Variants in OR5AN1 observed in about 807,000 individuals in gnomAD.
OR5AN1 encodes olfactory receptor 5AN1.
For missense variants in OR5AN1, 476 were observed against 368.9 expected (o/e 1.29, Z -2.38); for synonymous variants, 167 against 131.8 (o/e 1.27, Z -1.83).
Position 59,366,587 on chromosome 11 carries a change from C to G in OR5AN1, c.*1193C>G, listed in dbSNP as rs1857536841. Reference sequence around the variant, plus strand: ...TGCCTGGCGTAAAATTCAGGCTCTGCCACCCCCAAGGTGTGTGATGCTGGG... The same window carrying G: ...TGCCTGGCGTAAAATTCAGGCTCTGGCACCCCCAAGGTGTGTGATGCTGGG... On this transcript the variant is annotated 3_prime_UTR_variant, in exon 2 of 2. Transcript: ENST00000641998. 6.6e-6 allele frequency: 1 copy of G among 151,706 alleles called. No homozygotes were observed. Among genetic ancestry groups the G allele is most frequent in the South Asian group, 2.1e-4 (1 of 4,746 alleles). The allele number at this position is 151,706 out of a possible 1,614,324, so 9.4% of individuals were successfully genotyped here.
At chr11:59,362,908 G>A (rs1490196745) in intron 1 of OR5AN1, among the ~76,000 whole-genome samples, 1 of 152,082 alleles carries the variant, frequency 6.6e-6, no homozygotes, top group Non-Finnish European at 1.5e-5. Context: ...TTTGATGCTG[G>A]TTTTCCACTG....
At chr11:59,362,795 C>T (rs932998403) in intron 1 of OR5AN1, among the ~76,000 whole-genome samples, 3 of 152,180 alleles carry the variant, frequency 2.0e-5, no homozygotes, top group Admixed American at 2.0e-4. Context: ...TAAGCTCTGA[C>T]TTGCTGATTG....
chr11:59,359,160 C>T lies in OR5AN1; in HGVS notation c.-126C>T, dbSNP rs1396165579. ...ATGGTCCTCAGTCTCTCTCATTCTT[C>T]AACTCTTCCCACTTCCTCACTTCCA... On this transcript the variant is annotated 5_prime_UTR_variant, in exon 1 of 2. The change creates a premature stop within an existing upstream ORF in the 5' untranslated region. Coordinates refer to ENST00000641998, the MANE Select transcript of OR5AN1 (RefSeq NM_001004729.2). 1 of 152,224 alleles carries T rather than the reference C, an allele frequency of 6.6e-6. No homozygotes were observed. Among genetic ancestry groups the T allele is most frequent in the African/African-American group, 2.4e-5 (1 of 41,458 alleles). The allele number at this position is 152,224 out of a possible 1,614,324, so 9.4% of individuals were successfully genotyped here. A position where few individuals can be genotyped will look rare whatever the true frequency, so the allele number is the denominator to read the frequency against.
Position 59,358,934 on chromosome 11 carries a change from A to G in OR5AN1, c.-352A>G, listed in dbSNP as rs1158126610. 2 of 152,210 alleles carry G rather than the reference A, an allele frequency of 1.3e-5. No individual in the cohort carries two copies. Among genetic ancestry groups the G allele is most frequent in the African/African-American group, 4.8e-5 (2 of 41,452 alleles). 9.4% of individuals were successfully genotyped at this position (152,210 alleles called of 1,614,324 possible). Reference sequence around the variant, plus strand: ...GAGTGGACAGCCAATTTTGTGGTCAAACATGCCCATCTTGGAGTGTGATAC... The same window carrying G: ...GAGTGGACAGCCAATTTTGTGGTCAGACATGCCCATCTTGGAGTGTGATAC... On this transcript the variant is annotated 5_prime_UTR_variant, in exon 1 of 2. Coordinates refer to ENST00000641998, the MANE Select transcript of OR5AN1 (RefSeq NM_001004729.2).
In OR5AN1 at chr11:59,364,927, TC is replaced by T; in HGVS notation, c.470del (p.Ser157PhefsTer30). 6.2e-7 allele frequency: 1 copy of T among 1,614,150 alleles called. No individual in the cohort carries two copies. The highest frequency in any genetic ancestry group is 8.5e-7 in the Non-Finnish European group (1 of 1,180,000). On this transcript the variant is annotated frameshift_variant, in exon 2 of 2. Coordinates refer to ENST00000641998, the MANE Select transcript of OR5AN1 (RefSeq NM_001004729.2). LOFTEE classifies it low-confidence loss of function (END_TRUNC). ...LGAYMTGLTA[S>X]LFQIGALLQL... ...AGCCTACATGACTGGCCTCACTGCT[TC>T]TTTATTCCAAATTGGTGCTTTGCTT...
rs756025797 is a variant in OR5AN1 at position 59,365,132 on chromosome 11, C to T, written c.674C>T (p.Ser225Phe). ...ATATCCTATGGCTATATTGGCATCT[C>T]CATCATGAAGATCACTTCAGCTAAA... ...IMISYGYIGISIMKITSAKGR... is the reference protein window; with the variant it reads ...IMISYGYIGIFIMKITSAKGR... The change falls in exon 2 of 2, where the codon TCC (serine) becomes TTC (phenylalanine). Residue 225 changes from serine (S) to phenylalanine (F), a missense_variant. Coordinates refer to ENST00000641998, the MANE Select transcript of OR5AN1 (RefSeq NM_001004729.2). 3.1e-6 allele frequency: 5 copies of T among 1,613,954 alleles called. No individual in the cohort carries two copies. The highest frequency in any genetic ancestry group is 1.3e-5 in the African/African-American group (1 of 74,928).
chr11:59,364,898 T>C lies in OR5AN1; in HGVS notation c.440T>C (p.Leu147Pro). Reference protein sequence around the residue: ...MSPTLCVWMVLGAYMTGLTAS... With the variant: ...MSPTLCVWMVPGAYMTGLTAS... ...CCCACCCTCTGTGTTTGGATGGTAC[T>C]GGGAGCCTACATGACTGGCCTCACT... The change falls in exon 2 of 2, where the codon CTG becomes CCG. Residue 147 changes from leucine to proline, a missense_variant. Transcript: ENST00000641998. 1.2e-6 allele frequency: 2 copies of C among 1,614,116 alleles called. No homozygotes were observed. The highest frequency in any genetic ancestry group is 1.7e-4 in the Middle Eastern group (1 of 6,058).
rs1857591149 is a variant in OR5AN1, at chr11:59,371,210, C to T, written c.*5816C>T. 1 of 152,008 alleles carries T rather than the reference C, an allele frequency of 6.6e-6. No homozygotes were observed. Among genetic ancestry groups the T allele is most frequent in the African/African-American group, 2.4e-5 (1 of 41,398 alleles). 9.4% of individuals were successfully genotyped at this position (152,008 alleles called of 1,614,324 possible). A position where few individuals can be genotyped will look rare whatever the true frequency, so the allele number is the denominator to read the frequency against. The stretch of plus-strand genomic sequence containing the variant: ...TTTTAATGTTTGCATAGTGTCCCTG[C>T]TTAATATTACATAGAGTAGCTGGGT... On this transcript the variant is annotated 3_prime_UTR_variant, in exon 2 of 2. Coordinates refer to ENST00000641998, the MANE Select transcript of OR5AN1 (RefSeq NM_001004729.2).
chr11:59,364,786 CTGAG>C lies in OR5AN1; in HGVS notation c.334_337del (p.Glu112LeufsTer4), dbSNP rs769830103. The C allele has an allele frequency of 1.2e-6, 2 of 1,614,052 alleles. No individual in the cohort carries two copies. The highest frequency in any genetic ancestry group is 1.1e-5 in the South Asian group (1 of 91,074). ...GTACTTTATCTTTTCAACGATGGGA[CTGAG>C]TGAGTCTTGTCTCATGACAGCCATG... On this transcript the variant is annotated frameshift_variant, in exon 2 of 2. Transcript: ENST00000641998. LOFTEE classifies it low-confidence loss of function (END_TRUNC).
rs1031407338 is a variant in OR5AN1, at chr11:59,369,176, A to C, written c.*3782A>C. The C allele has an allele frequency of 2.7e-5, 4 of 148,950 alleles. No homozygotes were observed. The highest frequency in any genetic ancestry group is 9.9e-5 in the African/African-American group (4 of 40,506). The allele number at this position is 148,950 out of a possible 1,614,324, so 9.2% of individuals were successfully genotyped here. ...CATGCAGAGATGAGAAAAAAAAAACAATGTAAGAACTCTGGTAACTCAAAT... is the reference window on the plus strand; with the variant it reads ...CATGCAGAGATGAGAAAAAAAAAACCATGTAAGAACTCTGGTAACTCAAAT... On this transcript the variant is annotated 3_prime_UTR_variant, in exon 2 of 2. Coordinates refer to ENST00000641998, the MANE Select transcript of OR5AN1 (RefSeq NM_001004729.2).
rs1857538371 is a variant in OR5AN1, at chr11:59,366,723, G to C, written c.*1329G>C. 1 of 152,164 alleles carries C rather than the reference G, an allele frequency of 6.6e-6. No individual in the cohort carries two copies. 9.4% of individuals were successfully genotyped at this position (152,164 alleles called of 1,614,324 possible). A position where few individuals can be genotyped will look rare whatever the true frequency, so the allele number is the denominator to read the frequency against. On this transcript the variant is annotated 3_prime_UTR_variant, in exon 2 of 2. Transcript: ENST00000641998. The stretch of plus-strand genomic sequence containing the variant: ...TGAGCTGATACTTATTCAAAACTCA[G>C]AATAGGGACCCCAGCATATAATAAA...
intron 1 of OR5AN1, among the ~76,000 whole-genome samples, chr11:59,360,840 A>C (rs997309553): frequency 6.6e-6 from 1 of 152,230 alleles, no homozygotes; most frequent in Admixed American, 6.5e-5. Context: ...TTCCAAGTTA[A>C]CAAAACCATA....
rs1411804032 is a variant in OR5AN1, at chr11:59,365,428, C to T, written c.*34C>T. 4.6e-6 allele frequency: 6 copies of T among 1,311,928 alleles called. No individual in the cohort carries two copies. In the African/African-American group the frequency reaches 5.9e-5, roughly 13 times the overall value. The allele number at this position is 1,311,928 out of a possible 1,614,324, so 81.3% of individuals were successfully genotyped here. ...ATTCTGAGATTTCTGCCAGATATGG[C>T]CCATCAGAATCTCCCTAACCCACAA... On this transcript the variant is annotated 3_prime_UTR_variant, in exon 2 of 2. Transcript: ENST00000641998.
At chr11:59,359,840 A>G (rs1315051191) in intron 1 of OR5AN1, 1 of 152,158 alleles carries the variant, frequency 6.6e-6, no homozygotes, top group Non-Finnish European at 1.5e-5. Context: ...TTATTGAGCA[A>G]CGTTTCTGGG....
Position 59,366,403 on chromosome 11 carries a change from A to G in OR5AN1, c.*1009A>G, listed in dbSNP as rs909643175. The stretch of plus-strand genomic sequence containing the variant: ...GAAGTCATGCATTTAAGCCTACTCT[A>G]CATCAGCCAGTCCCAGCTGATCTCC... On this transcript the variant is annotated 3_prime_UTR_variant, in exon 2 of 2. Transcript: ENST00000641998. 3 of 152,254 alleles carry G rather than the reference A, an allele frequency of 2.0e-5. No homozygotes were observed. The highest frequency in any genetic ancestry group is 4.4e-5 in the Non-Finnish European group (3 of 68,050). 9.4% of individuals were successfully genotyped at this position (152,254 alleles called of 1,614,324 possible). A position where few individuals can be genotyped will look rare whatever the true frequency, so the allele number is the denominator to read the frequency against.
intron 1 of OR5AN1, among the ~76,000 whole-genome samples, chr11:59,362,644 G>A (rs1857476852): frequency 6.6e-6 from 1 of 151,942 alleles, no homozygotes; most frequent in Non-Finnish European, 1.5e-5. Flanking sequence ...AAATTGTCTT[G>A]GCTATTATCT....
intron 1 of OR5AN1, among the ~76,000 whole-genome samples, chr11:59,361,936 A>G (rs537051663): frequency 6.6e-6 from 1 of 152,190 alleles, no homozygotes; most frequent in South Asian, 2.1e-4. Context: ...CCATCCATTA[A>G]TTTTAATGTT....
intron 1 of OR5AN1, chr11:59,359,952 C>A (rs1857445971): frequency 1.3e-5 from 2 of 152,282 alleles, no homozygotes; most frequent in South Asian, 4.1e-4. Context: ...CTAGTAAAAT[C>A]TTTAACCTAT....
intron 1 of OR5AN1, chr11:59,359,989 C>G (rs548647113): frequency 6.6e-6 from 1 of 152,044 alleles, no homozygotes; most frequent in South Asian, 2.1e-4. Context: ...TTTTCCTATG[C>G]GAATTGTCTC....
Sources: allele counts gnomAD v4.1 joint callset (sites outside exome capture counted in the v4.1 genomes callset), GRCh38; gene constraint gnomAD v4.1.1; transcripts MANE v1.5; gene names NCBI Gene and HGNC (gene_info 2026-07-23, HGNC 2026-07-21).